The following GABRG3 variants were observed in gnomAD, a reference collection of about 807,000 sequenced individuals.
The protein encoded by GABRG3 is gamma-aminobutyric acid receptor subunit gamma-3.
A neutral mutation model predicts 48.8 loss-of-function variants in GABRG3; 25 were observed. The ratio of observed to expected loss-of-function variants is 0.51; its 90% CI spans 0.37 to 0.72. The LOEUF is 0.72. Ranked by LOEUF, GABRG3 falls within the 30% of genes least tolerant of loss-of-function variation. The probability of loss-of-function intolerance (pLI) is 0.00; values close to 1 mark genes in which losing one functional copy is unlikely to be tolerated. For synonymous variants in GABRG3, 227 were observed against 217.6 expected (o/e 1.04, Z -0.38); for missense variants, 394 against 577.9 (o/e 0.68, Z 3.26).
chr15:27,501,431 G>A (rs573999644), intron 6 of GABRG3, among the ~76,000 whole-genome samples: 1 of 152,220 alleles, frequency 6.6e-6, no homozygotes, highest in Non-Finnish European at 1.5e-5. Context: ...CGAGCATCAG[G>A]TTAGTCTTCG....
intron 3 of GABRG3, among the ~76,000 whole-genome samples, chr15:27,111,273 C>CT (rs1407264974): frequency 1.3e-5 from 2 of 151,960 alleles, no homozygotes; most frequent in Admixed American, 1.3e-4. Flanking sequence ...ATTTTGCTTC[C>CT]TTTGCTCTTG....
intron 2 of GABRG3, among the ~76,000 whole-genome samples, chr15:26,983,152 CT>C (rs34171008): frequency 0.28 from 40,635 of 146,360 alleles, 6,305 homozygotes; most frequent in African/African-American, 0.44. Flanking sequence ...TTTCTCATGA[CT>C]TTTTTTTTTT....
chr15:27,295,917 C>T (rs972405394), intron 3 of GABRG3, among the ~76,000 whole-genome samples: 1 of 152,202 alleles, frequency 6.6e-6, no homozygotes, highest in Non-Finnish European at 1.5e-5. Flanking sequence ...TCTCTCTGCT[C>T]TATGAGCTGG....
chr15:27,118,242 C>T (rs145555120), intron 3 of GABRG3, among the ~76,000 whole-genome samples: 61 of 152,264 alleles, frequency 4.0e-4, no homozygotes, highest in African/African-American at 1.4e-3. Context: ...CCATGGTTCT[C>T]CAAGGCCTGG....
chr15:26,978,348 A>AT (rs937675718), intron 2 of GABRG3, among the ~76,000 whole-genome samples: 127 of 148,902 alleles, frequency 8.5e-4, no homozygotes, highest in African/African-American at 1.4e-3. Flanking sequence ...CAATTTATTG[A>AT]TTTTTTTTTT....
intron 3 of GABRG3, among the ~76,000 whole-genome samples, chr15:27,038,290 C>G (rs956435511): frequency 6.6e-6 from 1 of 152,164 alleles, no homozygotes; most frequent in African/African-American, 2.4e-5. Context: ...GTGGTACTTT[C>G]TGTGTGTCGT....
At chr15:27,102,442 A>G (rs1871871393) in intron 3 of GABRG3, among the ~76,000 whole-genome samples, 1 of 152,226 alleles carries the variant, frequency 6.6e-6, no homozygotes, top group Non-Finnish European at 1.5e-5. Context: ...GGGCTCCATA[A>G]TAACAATAAC....
chr15:27,065,534 C>A (rs186486037), intron 3 of GABRG3, among the ~76,000 whole-genome samples: 41 of 152,306 alleles, frequency 2.7e-4, no homozygotes, highest in African/African-American at 9.6e-4. Context: ...TCGGTTCCTT[C>A]CATTCCCAAT....
chr15:26,975,068 G>A lies in GABRG3; in HGVS notation c.54-1934G>A, dbSNP rs1474657318. Among the ~76,000 whole-genome samples the A allele has an allele frequency of 1.3e-5, 2 of 151,730 alleles. No individual in the cohort carries two copies. Among genetic ancestry groups the A allele is most frequent in the Non-Finnish European group, 2.9e-5 (2 of 67,974 alleles). On this transcript the variant is annotated intron_variant, in intron 1 of 9. Transcript: ENST00000615808. This position sits in a 1 kb window ranked among gnomAD's most constrained non-coding sequence, Gnocchi z 4.6. Reference sequence around the variant, plus strand: ...TTTTTTGTATTTTTAGTAGAGACGGGGTTTCACCCTGTTGGCCAGGCTGGT... The same window carrying A: ...TTTTTTGTATTTTTAGTAGAGACGGAGTTTCACCCTGTTGGCCAGGCTGGT...
intron 2 of GABRG3, among the ~76,000 whole-genome samples, chr15:27,000,295 G>A (rs779305994): frequency 6.6e-6 from 1 of 152,162 alleles, no homozygotes; most frequent in Non-Finnish European, 1.5e-5. Context: ...GTATAGTTGA[G>A]TTAGTTGGAA....
chr15:27,493,143 C>T (rs1402627482), intron 6 of GABRG3, among the ~76,000 whole-genome samples: 3 of 152,040 alleles, frequency 2.0e-5, no homozygotes, highest in Non-Finnish European at 2.9e-5. Context: ...CAGAAAAATA[C>T]GTAGAAGAAA....
chr15:27,520,883 GTT>G (rs11319055), intron 7 of GABRG3, among the ~76,000 whole-genome samples: 1 of 149,850 alleles, frequency 6.7e-6, no homozygotes, highest in African/African-American at 2.4e-5. Context: ...ATTTCTCTGT[GTT>G]TTTTTTTTAT....
chr15:27,049,112 G>A (rs535427278), intron 3 of GABRG3, among the ~76,000 whole-genome samples: 76 of 152,340 alleles, frequency 5.0e-4, no homozygotes, highest in Non-Finnish European at 8.5e-4. Flanking sequence ...GTGGCTGCAT[G>A]AGCATGCATC....
At chr15:27,327,325 A>G (rs1893649628) in intron 4 of GABRG3, among the ~76,000 whole-genome samples, 1 of 152,208 alleles carries the variant, frequency 6.6e-6, no homozygotes, top group Admixed American at 6.5e-5. Context: ...GAAAATACAG[A>G]TGTCTTGGTG....
intron 3 of GABRG3, among the ~76,000 whole-genome samples, chr15:27,127,611 A>C (rs920041925): frequency 6.6e-6 from 1 of 152,138 alleles, no homozygotes; most frequent in African/African-American, 2.4e-5. Context: ...AAAGATACCA[A>C]CGAACAGAAT....
chr15:27,260,099 G>A (rs1177931081), intron 3 of GABRG3, among the ~76,000 whole-genome samples: 2 of 152,214 alleles, frequency 1.3e-5, no homozygotes, highest in African/African-American at 2.4e-5. Context: ...TAGTCTGCCC[G>A]GGCTGCTATA....
chr15:27,364,132 G>A (rs538166028), intron 5 of GABRG3: 25 of 152,292 alleles, frequency 1.6e-4, no homozygotes, highest in African/African-American at 4.8e-4. Flanking sequence ...TTCAGTAAAC[G>A]TTTTAAAAAT....
At chr15:27,290,819 T>G (rs1458744908) in intron 3 of GABRG3, among the ~76,000 whole-genome samples, 1 of 152,202 alleles carries the variant, frequency 6.6e-6, no homozygotes, top group Admixed American at 6.5e-5. Context: ...AAGTATACAC[T>G]GTAGTTAATC....
At chr15:27,429,917 G>C (rs1278961837) in intron 5 of GABRG3, among the ~76,000 whole-genome samples, 1 of 152,174 alleles carries the variant, frequency 6.6e-6, no homozygotes, top group Non-Finnish European at 1.5e-5. Flanking sequence ...ATTTAGTGCT[G>C]TTGGGCTTAT....
Sources: allele counts gnomAD v4.1 joint callset (sites outside exome capture counted in the v4.1 genomes callset), GRCh38; gene constraint gnomAD v4.1.1; non-coding constraint Gnocchi (gnomAD v3.1); transcripts MANE v1.5; gene names NCBI Gene and HGNC (gene_info 2026-07-23, HGNC 2026-07-21).